Variants in PCYT1A observed in about 807,000 individuals in gnomAD.
The protein encoded by PCYT1A is choline-phosphate cytidylyltransferase A.
In PCYT1A, 25 loss-of-function variants were observed where a neutral mutation model predicts 43.7. The observed-to-expected ratio is 0.57, with a 90% CI of 0.42 to 0.80. PCYT1A has a LOEUF of 0.80. Ranked by LOEUF, PCYT1A falls within the 30% of genes least tolerant of loss-of-function variation. The pLI is 0.00. For missense variants in PCYT1A, 421 were observed against 474.2 expected (o/e 0.89, Z 1.04); for synonymous variants, 172 against 170.7 (o/e 1.01, Z -0.06).
At chr3:196,249,552 T>C (rs1724683254) in intron 3 of PCYT1A, among the ~76,000 whole-genome samples, 1 of 152,110 alleles carries the variant, frequency 6.6e-6, no homozygotes, top group African/African-American at 2.4e-5. Context: ...AGCCAGGAAA[T>C]GATTTCCCGG....
At chr3:196,274,014 T>G (rs1364557764) in intron 1 of PCYT1A, among the ~76,000 whole-genome samples, 2 of 152,250 alleles carry the variant, frequency 1.3e-5, no homozygotes, top group Non-Finnish European at 2.9e-5. Context: ...CCTCCTGTGC[T>G]GCTGGACACC....
intron 2 of PCYT1A, among the ~76,000 whole-genome samples, chr3:196,265,311 C>A (rs1386790811): frequency 6.6e-6 from 1 of 152,046 alleles, no homozygotes; most frequent in Non-Finnish European, 1.5e-5. Context: ...CGTGATCTGC[C>A]CTTCTCGGCC....
At position 196,242,394 on chromosome 3, in the gene PCYT1A, C is replaced by A; in HGVS notation, c.565+168G>T. 2 of 716,232 alleles carry A rather than the reference C, an allele frequency of 2.8e-6. No homozygotes were observed. The highest frequency in any genetic ancestry group is 4.0e-5 in the Admixed American group (2 of 50,030). 44.4% of individuals were successfully genotyped at this position (716,232 alleles called of 1,614,324 possible). On this transcript the variant is annotated intron_variant, in intron 6 of 8. Coordinates refer to ENST00000431016, the MANE Select transcript of PCYT1A (RefSeq NM_001312673.2). This position sits in a 1 kb window ranked among gnomAD's most constrained non-coding sequence, Gnocchi z 4.2. ...ATTGATGGATGTCATGAACTGACGACAAAGAATTGATGGGTGCTATGCTCA... is the reference window on the plus strand; with the variant it reads ...ATTGATGGATGTCATGAACTGACGAAAAAGAATTGATGGGTGCTATGCTCA...
chr3:196,241,864 G>A (rs1301112461), intron 7 of PCYT1A, 84 bp downstream of exon 7: 6 of 1,512,086 alleles, frequency 4.0e-6, no homozygotes, highest in Non-Finnish European at 4.6e-6. Context: ...AAAGCCAACT[G>A]CAAAGCCAGT....
In PCYT1A at chr3:196,241,947, C is replaced by T; in HGVS notation, c.708+1G>A. On this transcript the variant is annotated splice_donor_variant, in intron 7 of 8. Coordinates refer to ENST00000431016, the MANE Select transcript of PCYT1A (RefSeq NM_001312673.2). LOFTEE classifies it high-confidence loss of function. ...AACTCTGGGGTAAGGCTGGAACTCA[C>T]GTTGATAAAGCTGACATTGAGCTCC... is the stretch of plus-strand genomic sequence containing the variant. The T allele has an allele frequency of 1.2e-6, 2 of 1,614,170 alleles. No homozygotes were observed. The highest frequency in any genetic ancestry group is 1.1e-5 in the South Asian group (1 of 91,078).
At chr3:196,264,420 A>G (rs1028122533) in intron 2 of PCYT1A, among the ~76,000 whole-genome samples, 5 of 152,126 alleles carry the variant, frequency 3.3e-5, no homozygotes, top group Non-Finnish European at 2.9e-5. Context: ...TGCAAAGTTT[A>G]TCTCGCACTC....
At chr3:196,244,897 CTCG>C (rs1162971223) in intron 5 of PCYT1A, among the ~76,000 whole-genome samples, 4 of 152,054 alleles carry the variant, frequency 2.6e-5, no homozygotes, top group Non-Finnish European at 5.9e-5. Context: ...AGGCAGCATG[CTCG>C]TTAAGAGTCA....
In PCYT1A at chr3:196,282,941, CA is replaced by C. The variant is rs1178411350; in HGVS notation, c.-11+4673del. On this transcript the variant is annotated intron_variant, in intron 1 of 8. Coordinates refer to ENST00000431016, the MANE Select transcript of PCYT1A (RefSeq NM_001312673.2). This position sits in a 1 kb window ranked among gnomAD's most constrained non-coding sequence, Gnocchi z 4.3. ...TTGTGAATGTGATATAACAGCCTAG[CA>C]GATTCATGGGTTCCCCTGGCTCACT... Among the ~76,000 whole-genome samples the C allele has an allele frequency of 1.5e-4, 23 of 152,310 alleles. No individual in the cohort carries two copies. Among genetic ancestry groups the C allele is most frequent in the Non-Finnish European group, 2.8e-4 (19 of 68,030 alleles).
chr3:196,238,652 G>A lies in PCYT1A; in HGVS notation c.*36C>T. 2.2e-6 allele frequency: 3 copies of A among 1,354,234 alleles called. No homozygotes were observed. The highest frequency in any genetic ancestry group is 3.0e-6 in the Non-Finnish European group (3 of 1,002,842). 83.9% of individuals were successfully genotyped at this position (1,354,234 alleles called of 1,614,324 possible). A position where few individuals can be genotyped will look rare whatever the true frequency, so the allele number is the denominator to read the frequency against. ...AACAGAGAGCTTCTGAAGGTAATGG[G>A]ACAGAAAGGGAGGACAGGAAAGGAG... On this transcript the variant is annotated 3_prime_UTR_variant, in exon 9 of 9. Coordinates refer to ENST00000431016, the MANE Select transcript of PCYT1A (RefSeq NM_001312673.2).
rs1439753304 is a variant in PCYT1A, at chr3:196,282,131, C to G, written c.-11+5484G>C. ...CTTAGCTTTGAACTGGATCTCTTCC[C>G]TCTAATTTCGTCAGAGAAACCCTTA... On this transcript the variant is annotated intron_variant, in intron 1 of 8. Transcript: ENST00000431016. This position sits in a 1 kb window ranked among gnomAD's most constrained non-coding sequence, Gnocchi z 4.3. 1.3e-5 allele frequency among the ~76,000 whole-genome samples: 2 copies of G among 152,204 alleles called. No individual in the cohort carries two copies. Among genetic ancestry groups the G allele is most frequent in the Non-Finnish European group, 2.9e-5 (2 of 68,044 alleles).
chr3:196,262,273 T>G (rs1300971029), intron 2 of PCYT1A, among the ~76,000 whole-genome samples: 1 of 152,182 alleles, frequency 6.6e-6, no homozygotes, highest in African/African-American at 2.4e-5. Flanking sequence ...ACCTGTGAAA[T>G]CACAGCAAGT....
At chr3:196,241,784 C>A in intron 7 of PCYT1A, 164 bp downstream of exon 7, 1 of 1,185,694 alleles carries the variant, frequency 8.4e-7, no homozygotes, top group Non-Finnish European at 1.2e-6. Context: ...CAGAAACTGT[C>A]TGTTTCATTC....
At position 196,268,700 on chromosome 3, in the gene PCYT1A, C is replaced by T. The variant is rs988842645; in HGVS notation, c.117+1715G>A. Among the ~76,000 whole-genome samples the T allele has an allele frequency of 1.1e-4, 17 of 152,148 alleles. No individual in the cohort carries two copies. The highest frequency in any genetic ancestry group is 2.5e-4 in the Non-Finnish European group (17 of 68,028). On this transcript the variant is annotated intron_variant, in intron 2 of 8. Transcript: ENST00000431016. The surrounding 1 kb of genome is among the most constrained non-coding windows in gnomAD (Gnocchi z 4.4). ...ATCCCAGCCACTTGGGAGGCTGAGG[C>T]AGGGAAATCACTTGAACCCAAGAGG...
At chr3:196,285,604 A>G (rs1206741508) in intron 1 of PCYT1A, among the ~76,000 whole-genome samples, 1 of 152,258 alleles carries the variant, frequency 6.6e-6, no homozygotes, top group Non-Finnish European at 1.5e-5. Flanking sequence ...AGCTTCATTT[A>G]CATTACCCAT....
At chr3:196,285,414 G>A (rs565238808) in intron 1 of PCYT1A, among the ~76,000 whole-genome samples, 3 of 152,084 alleles carry the variant, frequency 2.0e-5, no homozygotes, top group Admixed American at 6.5e-5. Flanking sequence ...AGCTGGGATC[G>A]TGCCAGCACA....
rs749322889 is a variant in PCYT1A at position 196,239,737 on chromosome 3, T to C, written c.709-2A>G. ...CTCCTGCAAGTGGTATTTCTTCTCCTAGATAAAGAAATAACTCTTCTGAGA... is the reference window on the plus strand; with the variant it reads ...CTCCTGCAAGTGGTATTTCTTCTCCCAGATAAAGAAATAACTCTTCTGAGA... On this transcript the variant is annotated splice_acceptor_variant, in intron 7 of 8. Transcript: ENST00000431016. LOFTEE classifies it high-confidence loss of function. 6.3e-7 allele frequency: 1 copy of C among 1,588,280 alleles called. No individual in the cohort carries two copies. The highest frequency in any genetic ancestry group is 1.3e-5 in the African/African-American group (1 of 74,500).
chr3:196,273,550 CTG>C lies in PCYT1A; in HGVS notation c.-10-3011_-10-3010del, dbSNP rs1725498426. Among the ~76,000 whole-genome samples, 1 of 152,174 alleles carries C rather than the reference CTG, an allele frequency of 6.6e-6. No individual in the cohort carries two copies. The highest frequency in any genetic ancestry group is 2.4e-5 in the African/African-American group (1 of 41,430). The stretch of plus-strand genomic sequence containing the variant: ...TTTCCGCAGCAGGTCGTCCCAGCAT[CTG>C]TGCAGCCCTCAGCGGAGAGGAGACC... On this transcript the variant is annotated intron_variant, in intron 1 of 8. Coordinates refer to ENST00000431016, the MANE Select transcript of PCYT1A (RefSeq NM_001312673.2). This position sits in a 1 kb window ranked among gnomAD's most constrained non-coding sequence, Gnocchi z 4.1.
At chr3:196,275,586 A>T (rs1313406526) in intron 1 of PCYT1A, among the ~76,000 whole-genome samples, 1 of 152,098 alleles carries the variant, frequency 6.6e-6, no homozygotes, top group Non-Finnish European at 1.5e-5. Context: ...TACAAAAAAT[A>T]GCTGGGTGTG....
At chr3:196,280,570 G>GTTTTTT in intron 1 of PCYT1A, among the ~76,000 whole-genome samples, 8 of 91,330 alleles carry the variant, frequency 8.8e-5, no homozygotes, top group East Asian at 3.2e-4. Context: ...TATTTTTATT[G>GTTTTTT]TTTTTTTTTT....
Sources: allele counts gnomAD v4.1 joint callset (sites outside exome capture counted in the v4.1 genomes callset), GRCh38; gene constraint gnomAD v4.1.1; non-coding constraint Gnocchi (gnomAD v3.1); transcripts MANE v1.5; gene names NCBI Gene and HGNC (gene_info 2026-07-23, HGNC 2026-07-21).